DNAJC1: variants seen among roughly 807,000 people sequenced by gnomAD.
DNAJC1 encodes the protein DnaJ heat shock protein family (Hsp40) member C1, also known as dnaJ homolog subfamily C member 1.
A neutral mutation model predicts 76.6 loss-of-function variants in DNAJC1; 58 were observed. The ratio of observed to expected loss-of-function variants is 0.76; its 90% CI spans 0.61 to 0.94. The LOEUF is 0.94. Ranked by LOEUF, DNAJC1 falls within the 40% of genes least tolerant of loss-of-function variation. The pLI, the probability that DNAJC1 is intolerant of heterozygous loss-of-function variation, is 0.00. For missense variants in DNAJC1, 689 were observed against 677.3 expected (o/e 1.02, Z -0.19); for synonymous variants, 258 against 267.9 (o/e 0.96, Z 0.36).
intron 1 of DNAJC1, among the ~76,000 whole-genome samples, chr10:21,963,059 T>TA (rs749296480): frequency 5.3e-5 from 8 of 152,198 alleles, no homozygotes; most frequent in Admixed American, 1.3e-4. Context: ...AAGAACATCC[T>TA]ACTTGCTCCT....
intron 6 of DNAJC1, among the ~76,000 whole-genome samples, chr10:21,908,614 G>A (rs1480493711): frequency 6.6e-6 from 1 of 151,730 alleles, no homozygotes; most frequent in Non-Finnish European, 1.5e-5. Flanking sequence ...TAGATTTCCT[G>A]GGGATATAAA....
intron 1 of DNAJC1, among the ~76,000 whole-genome samples, chr10:21,956,603 TATATAA>T (rs1172799144): frequency 6.7e-6 from 1 of 149,720 alleles, no homozygotes; most frequent in Non-Finnish European, 1.5e-5. Flanking sequence ...GTATATAAAT[TATATAA>T]ATATAATTTT....
At chr10:21,775,506 G>A (rs1227180112) in intron 9 of DNAJC1, among the ~76,000 whole-genome samples, 2 of 151,934 alleles carry the variant, frequency 1.3e-5, no homozygotes, top group Admixed American at 6.6e-5. Context: ...ATAAGTAGTG[G>A]TCTAATATAA....
intron 9 of DNAJC1, among the ~76,000 whole-genome samples, chr10:21,789,515 C>G (rs1212831271): frequency 6.6e-6 from 1 of 151,652 alleles, no homozygotes; most frequent in African/African-American, 2.4e-5. Context: ...AATAACAAAC[C>G]CTAATGACAA....
chr10:21,792,756 C>G (rs1834706762), intron 9 of DNAJC1, among the ~76,000 whole-genome samples: 1 of 129,284 alleles, frequency 7.7e-6, no homozygotes, highest in African/African-American at 3.3e-5. Flanking sequence ...GAGACAACAC[C>G]TCAAAAAAAA....
chr10:21,966,004 C>G (rs567605602), intron 1 of DNAJC1, among the ~76,000 whole-genome samples: 53 of 152,138 alleles, frequency 3.5e-4, no homozygotes, highest in Non-Finnish European at 6.9e-4. Flanking sequence ...TGGATACTTC[C>G]AATTTGTGAC....
At chr10:21,804,087 G>GATCTA in intron 9 of DNAJC1, 2 of 388,478 alleles carry the variant, frequency 5.1e-6, no homozygotes, top group Non-Finnish European at 7.0e-6. Flanking sequence ...TATATACTAG[G>GATCTA]ATCTATGAGG....
intron 1 of DNAJC1, among the ~76,000 whole-genome samples, chr10:21,938,283 T>C (rs559753210): frequency 1.3e-5 from 2 of 151,538 alleles, no homozygotes; most frequent in South Asian, 4.2e-4. Context: ...AAACATACCA[T>C]GCCAAAACGT....
In DNAJC1 at chr10:21,971,804, A is replaced by T. The variant is rs371505749; in HGVS notation, c.222+31409T>A. ...AACTAAATCATTTTCTAAACTTAAG[A>T]CTTTTAGCTCAGCCTTCATGGTATT... On this transcript the variant is annotated intron_variant, in intron 1 of 11. Transcript: ENST00000376980. Among the ~76,000 whole-genome samples the T allele has an allele frequency of 1.4e-4, 22 of 152,014 alleles. No homozygotes were observed. In the South Asian group the frequency reaches 4.6e-3, roughly 32 times the overall value.
chr10:21,811,950 C>T (rs1374427231), intron 8 of DNAJC1, among the ~76,000 whole-genome samples: 2 of 152,142 alleles, frequency 1.3e-5, no homozygotes, highest in African/African-American at 4.8e-5. Context: ...CTTGTTGTTC[C>T]ACATCCTTAC....
At chr10:21,879,796 T>TA (rs1470408179) in intron 8 of DNAJC1, among the ~76,000 whole-genome samples, 1 of 152,176 alleles carries the variant, frequency 6.6e-6, no homozygotes, top group Non-Finnish European at 1.5e-5. Flanking sequence ...ATAATCTTTC[T>TA]ATTGGTAGAG....
chr10:21,979,253 A>G (rs1838112983), intron 1 of DNAJC1, among the ~76,000 whole-genome samples: 1 of 152,026 alleles, frequency 6.6e-6, no homozygotes, highest in Non-Finnish European at 1.5e-5. Context: ...TCTACTATGT[A>G]AAGCTATCTG....
chr10:21,865,622 A>T (rs1835985262), intron 8 of DNAJC1: 1 of 152,134 alleles, frequency 6.6e-6, no homozygotes, highest in Non-Finnish European at 1.5e-5. Context: ...GAAAATCTAC[A>T]TGTTCAATAT....
intron 8 of DNAJC1, among the ~76,000 whole-genome samples, chr10:21,870,806 A>G (rs1836090809): frequency 6.6e-6 from 1 of 151,948 alleles, no homozygotes; most frequent in African/African-American, 2.4e-5. Flanking sequence ...AAAAGAAAGA[A>G]AGAACAAAAT....
intron 1 of DNAJC1, among the ~76,000 whole-genome samples, chr10:21,967,481 A>G (rs1028433279): frequency 1.3e-5 from 2 of 152,156 alleles, no homozygotes; most frequent in Non-Finnish European, 2.9e-5. Flanking sequence ...GAACCAACCA[A>G]CCATTTCTCT....
intron 8 of DNAJC1, among the ~76,000 whole-genome samples, chr10:21,874,188 G>A (rs578031544): frequency 6.6e-6 from 1 of 152,302 alleles, no homozygotes; most frequent in African/African-American, 2.4e-5. Flanking sequence ...GGCCGAAGAG[G>A]GAGGATCACT....
intron 8 of DNAJC1, among the ~76,000 whole-genome samples, chr10:21,871,340 G>GA (rs755212716): frequency 0.053 from 5,276 of 98,822 alleles, 324 homozygotes; most frequent in African/African-American, 0.16. Flanking sequence ...TAGAAGCGGG[G>GA]AAAAAAAAAA....
intron 6 of DNAJC1, among the ~76,000 whole-genome samples, chr10:21,908,184 A>AAAAATATATAATATATAATATAT (rs1836786099): frequency 9.2e-6 from 1 of 109,138 alleles, no homozygotes; most frequent in Admixed American, 1.4e-4. Context: ...TATAATATAT[A>AAAAATATATAATATATAATATAT]AAAATATATA....
intron 9 of DNAJC1, among the ~76,000 whole-genome samples, chr10:21,778,142 T>C (rs1004469216): frequency 1.3e-5 from 2 of 151,986 alleles, no homozygotes; most frequent in African/African-American, 4.8e-5. Flanking sequence ...TGAGCCAAGA[T>C]GGCACCACAC....
Sources: gnomAD v4.1 joint callset for allele counts (sites outside exome capture counted in the v4.1 genomes callset) on GRCh38, gnomAD v4.1.1 for gene constraint, MANE v1.5 for transcripts, NCBI Gene and HGNC (gene_info 2026-07-23, HGNC 2026-07-21) for gene names.